Variants in ATF3 observed in about 807,000 individuals in gnomAD.
The protein encoded by ATF3 is activating transcription factor 3.
A neutral mutation model predicts 18.4 loss-of-function variants in ATF3; 10 were observed. The observed-to-expected ratio is 0.54, with a 90% CI of 0.34 to 0.92. ATF3 has a LOEUF of 0.92. Among genes scored for constraint, ATF3 ranks in the 40% least tolerant of loss-of-function variants. ATF3 has a pLI of 0.02. For missense variants in ATF3, 183 were observed against 222.3 expected (o/e 0.82, Z 1.12); for synonymous variants, 78 against 87.9 (o/e 0.89, Z 0.63).
In ATF3 at chr1:212,619,472, G is replaced by T; in HGVS notation, c.463G>T (p.Val155Phe). ...MLNLHRPTCI[V>F]RAQNGRTPED... is the part of the protein sequence containing the mutation. The stretch of plus-strand genomic sequence containing the variant: ...CAACCTTCATCGGCCCACGTGTATT[G>T]TCCGGGCTCAGAATGGGAGGACTCC... Residue 155 changes from valine to phenylalanine, a missense_variant, in exon 4 of 4, where the codon GTC becomes TTC. Coordinates refer to ENST00000341491, the MANE Select transcript of ATF3 (RefSeq NM_001674.4). The surrounding 1 kb of genome is among the most constrained non-coding windows in gnomAD (Gnocchi z 4.4). The T allele has an allele frequency of 6.2e-7, 1 of 1,614,196 alleles. No homozygotes were observed. Among genetic ancestry groups the T allele is most frequent in the Non-Finnish European group, 8.5e-7 (1 of 1,180,026 alleles).
chr1:212,618,595 C>CTCACTA lies in ATF3; in HGVS notation c.348+363_348+368dup, dbSNP rs1655235687. ...AAGGAAGCTGCCAGCTCTCATTTGGCTCACTATGAAAAGCCTTTAATTAAT... is the reference window on the plus strand; with the variant it reads ...AAGGAAGCTGCCAGCTCTCATTTGGCTCACTATCACTATGAAAAGCCTTTAATTAAT... On this transcript the variant is annotated intron_variant, in intron 3 of 3. Transcript: ENST00000341491. This position sits in a 1 kb window ranked among gnomAD's most constrained non-coding sequence, Gnocchi z 4.4. The CTCACTA allele has an allele frequency of 2.5e-6, 1 of 396,916 alleles. No homozygotes were observed. The highest frequency in any genetic ancestry group is 2.0e-5 in the African/African-American group (1 of 49,192). 24.6% of individuals were successfully genotyped at this position (396,916 alleles called of 1,614,324 possible).
At chr1:212,585,675 T>C (rs1266685880) in intron 1 of ATF3, among the ~76,000 whole-genome samples, 1 of 152,212 alleles carries the variant, frequency 6.6e-6, no homozygotes, top group Admixed American at 6.5e-5. Flanking sequence ...CCTCCCTCTG[T>C]CACAGAAAAC....
chr1:212,619,207 G>C lies in ATF3; in HGVS notation c.349-151G>C. On this transcript the variant is annotated intron_variant, in intron 3 of 3. Coordinates refer to ENST00000341491, the MANE Select transcript of ATF3 (RefSeq NM_001674.4). The surrounding 1 kb of genome is among the most constrained non-coding windows in gnomAD (Gnocchi z 4.4). ...GAGGGTCTGCATTTTCCTAAACCCA[G>C]TGCTGCTCTCCCATCTCCCATCTTC... The C allele has an allele frequency of 6.2e-7, 1 of 1,610,826 alleles. No individual in the cohort carries two copies. Among genetic ancestry groups the C allele is most frequent in the Non-Finnish European group, 8.5e-7 (1 of 1,179,278 alleles).
intron 1 of ATF3, among the ~76,000 whole-genome samples, chr1:212,579,030 G>C (rs1378928454): frequency 2.0e-5 from 1 of 50,438 alleles, no homozygotes; most frequent in Non-Finnish European, 3.9e-5. Flanking sequence ...TTTTTTTTTT[G>C]AGACAGAGTC....
In ATF3 at chr1:212,614,909, A is replaced by G. The variant is rs892483963; in HGVS notation, c.-4-109A>G. ...AAACAGAAACCCAAGGGCTTATGGG[A>G]CTTTTCTCTGAGGGTGGGGCTCTGG... is the stretch of plus-strand genomic sequence containing the variant. On this transcript the variant is annotated intron_variant, in intron 1 of 3. Transcript: ENST00000341491. The G allele has an allele frequency of 5.0e-6, 8 of 1,598,092 alleles. 1 individual carries two copies. Among genetic ancestry groups the G allele is most frequent in the Middle Eastern group, 3.5e-4 (2 of 5,700 alleles).
At chr1:212,586,055 C>T (rs944071890) in intron 1 of ATF3, among the ~76,000 whole-genome samples, 12 of 152,182 alleles carry the variant, frequency 7.9e-5, no homozygotes, top group Non-Finnish European at 1.6e-4. Flanking sequence ...CTCTGGGGTC[C>T]TGCCCGTGGG....
chr1:212,572,099 T>C (rs1420721033), intron 1 of ATF3, among the ~76,000 whole-genome samples: 1 of 152,260 alleles, frequency 6.6e-6, no homozygotes, highest in Non-Finnish European at 1.5e-5. Flanking sequence ...ATCTATTCTA[T>C]GTCTTGATAT....
intron 1 of ATF3, chr1:212,613,418 T>A (rs983498767): frequency 6.6e-6 from 1 of 152,226 alleles, no homozygotes; most frequent in Non-Finnish European, 1.5e-5. Context: ...AGGGCATGAA[T>A]CCTGGAGCCA....
upstream of ATF3, among the ~76,000 whole-genome samples, chr1:212,605,587 T>C (rs538470612): frequency 2.4e-4 from 36 of 152,266 alleles, no homozygotes; most frequent in Non-Finnish European, 2.9e-4. Flanking sequence ...GACTGTGCAC[T>C]GAACTAAGAA....
At chr1:212,579,495 T>A (rs1167120520) in intron 1 of ATF3, among the ~76,000 whole-genome samples, 4 of 152,192 alleles carry the variant, frequency 2.6e-5, no homozygotes, top group African/African-American at 9.7e-5. Flanking sequence ...GGCTAACATG[T>A]CAAAAACTGA....
chr1:212,598,393 C>T (rs1654379047), intron 1 of ATF3, among the ~76,000 whole-genome samples: 1 of 152,126 alleles, frequency 6.6e-6, no homozygotes, highest in Non-Finnish European at 1.5e-5. Flanking sequence ...TTGATACAGG[C>T]ATGCAAGATG....
intron 1 of ATF3, among the ~76,000 whole-genome samples, chr1:212,580,522 C>T (rs1399606023): frequency 1.3e-5 from 2 of 152,174 alleles, no homozygotes; most frequent in Middle Eastern, 3.4e-3. Flanking sequence ...AGGCTGGTCT[C>T]GAACTCCTGA....
upstream of ATF3, among the ~76,000 whole-genome samples, chr1:212,605,068 C>T (rs59893184): frequency 1.6e-3 from 239 of 152,274 alleles, 10 homozygotes; most frequent in East Asian, 0.044. Flanking sequence ...TTCAAGGGTA[C>T]CTCAGAAAGC....
At chr1:212,594,040 G>A (rs918217437) in intron 1 of ATF3, among the ~76,000 whole-genome samples, 13 of 152,222 alleles carry the variant, frequency 8.5e-5, no homozygotes, top group African/African-American at 2.7e-4. Context: ...CCACCTGGAA[G>A]GAATCATCAC....
intron 1 of ATF3, among the ~76,000 whole-genome samples, chr1:212,614,380 A>G (rs929205119): frequency 7.2e-5 from 11 of 152,130 alleles, no homozygotes; most frequent in Admixed American, 1.3e-4. Context: ...ACTGGGGTGA[A>G]GAAACGCACC....
upstream of ATF3, among the ~76,000 whole-genome samples, chr1:212,607,758 C>T (rs1226716575): frequency 6.6e-6 from 1 of 152,232 alleles, no homozygotes; most frequent in Non-Finnish European, 1.5e-5. Flanking sequence ...CCCCAAAGCA[C>T]CTTCTCTTTC....
In ATF3 at chr1:212,618,177, G is replaced by T; in HGVS notation, c.291G>T (p.Lys97Asn). 7 of 1,614,178 alleles carry T rather than the reference G, an allele frequency of 4.3e-6. No homozygotes were observed. Among genetic ancestry groups the T allele is most frequent in the Non-Finnish European group, 5.9e-6 (7 of 1,180,016 alleles). ...AAAAGAGGCGACGAGAAAGAAATAA[G>T]ATTGCAGCTGCAAAGTGCCGAAACA... ...ERKKRRRERN[K>N]IAAAKCRNKK... The change falls in exon 3 of 4, where the codon AAG becomes AAT. Residue 97 changes from lysine to asparagine, a missense_variant. Coordinates refer to ENST00000341491, the MANE Select transcript of ATF3 (RefSeq NM_001674.4). The surrounding 1 kb of genome is among the most constrained non-coding windows in gnomAD (Gnocchi z 4.4).
Position 212,619,022 on chromosome 1 carries a change from C to T in ATF3, c.349-336C>T, listed in dbSNP as rs777957966. The T allele has an allele frequency of 1.9e-5, 30 of 1,614,064 alleles. 1 individual carries two copies. The South Asian group carries it at 2.5e-4, about 14-fold the overall frequency. On this transcript the variant is annotated intron_variant, in intron 3 of 3. Coordinates refer to ENST00000341491, the MANE Select transcript of ATF3 (RefSeq NM_001674.4). This position sits in a 1 kb window ranked among gnomAD's most constrained non-coding sequence, Gnocchi z 4.4. ...CTGTGACTCAGAATCGACTAAGCCA[C>T]CATAAGTCTGGATTTCTCCCCAGCT...
At chr1:212,611,992 G>T (rs907481278) in intron 1 of ATF3, among the ~76,000 whole-genome samples, 1 of 152,110 alleles carries the variant, frequency 6.6e-6, no homozygotes, top group East Asian at 1.9e-4. Flanking sequence ...CTGAAAAATT[G>T]TGTGAAGATT....
Sources: allele counts gnomAD v4.1 joint callset (sites outside exome capture counted in the v4.1 genomes callset), GRCh38; gene constraint gnomAD v4.1.1; non-coding constraint Gnocchi (gnomAD v3.1); transcripts MANE v1.5; gene names NCBI Gene and HGNC (gene_info 2026-07-23, HGNC 2026-07-21).